The following TRPV5 variants were observed in gnomAD, a reference collection of about 807,000 sequenced individuals.
The protein encoded by TRPV5 is transient receptor potential cation channel subfamily V member 5, also known as calcium transport protein 2.
A neutral mutation model predicts 74.1 loss-of-function variants in TRPV5; 66 were observed. That is an observed-to-expected ratio of 0.89 (90% CI 0.73 to 1.09). The LOEUF (loss-of-function observed/expected upper bound fraction) is 1.09, where lower values mean the gene tolerates loss of function less well. TRPV5 is among the 50% of genes least tolerant of loss of function. The pLI is 0.00. For synonymous variants in TRPV5, 399 were observed against 360.7 expected (o/e 1.11, Z -1.20); for missense variants, 936 against 930.4 (o/e 1.01, Z -0.08).
intron 14 of TRPV5, among the ~76,000 whole-genome samples, chr7:142,909,112 T>C (rs974584282): frequency 6.6e-6 from 1 of 152,028 alleles, no homozygotes; most frequent in Non-Finnish European, 1.5e-5. Context: ...AACTAATAGA[T>C]AAGCGTGTCA....
Position 142,928,688 on chromosome 7 carries a change from T to C in TRPV5, c.762+3A>G, listed in dbSNP as rs1796029750. 2 of 1,612,952 alleles carry C rather than the reference T, an allele frequency of 1.2e-6. No individual in the cohort carries two copies. Among genetic ancestry groups the C allele is most frequent in the South Asian group, 2.2e-5 (2 of 90,942 alleles). Reference sequence around the variant, plus strand: ...CACCTCAGGGATGGGGAGCGTCTCTTACCACAGTGTTACCCTCCACTCCAG... The same window carrying C: ...CACCTCAGGGATGGGGAGCGTCTCTCACCACAGTGTTACCCTCCACTCCAG... On this transcript the variant is annotated splice_donor_region_variant and intron_variant, in intron 6 of 14. Coordinates refer to ENST00000265310, the MANE Select transcript of TRPV5 (RefSeq NM_019841.7).
At position 142,930,485 on chromosome 7, in the gene TRPV5, T is replaced by C. The variant is rs4252400; in HGVS notation, c.129-39A>G. On this transcript the variant is annotated intron_variant, in intron 1 of 14. Transcript: ENST00000265310. ...AACGTGAGTTTGGAAGAGACAGTCA[T>C]AGCAGAATGAGGCCAAGAGCAAAGG... The C allele has an allele frequency of 4.0e-6, 6 of 1,500,336 alleles. No individual in the cohort carries two copies. In the African/African-American group the frequency reaches 4.1e-5, roughly 10 times the overall value. 92.9% of individuals were successfully genotyped at this position (1,500,336 alleles called of 1,614,324 possible).
intron 1 of TRPV5, 122 bp from the exon 2 acceptor site, chr7:142,930,568 G>A: frequency 1.3e-6 from 1 of 768,438 alleles, no homozygotes; most frequent in South Asian, 1.5e-5. Flanking sequence ...TGACAAATTG[G>A]AAAGAAGTGC....
At chr7:142,926,122 T>C (rs4252430) in intron 7 of TRPV5, among the ~76,000 whole-genome samples, 1 of 151,992 alleles carries the variant, frequency 6.6e-6, no homozygotes, top group Admixed American at 6.5e-5. Flanking sequence ...TTGGGAGTGG[T>C]AGTCAGAAAT....
chr7:142,921,782 T>A (rs903578687), intron 8 of TRPV5, among the ~76,000 whole-genome samples: 3 of 152,190 alleles, frequency 2.0e-5, no homozygotes, highest in African/African-American at 7.2e-5. Context: ...TAAGACTATA[T>A]AATTTGAGAA....
Position 142,909,569 on chromosome 7 carries a change from G to A in TRPV5, c.1816C>T (p.Arg606Trp), listed in dbSNP as rs758748145. ...QVVATTVMLE[R>W]KLPRCLWPRS... ...GGCCACAGGCAGCGAGGCAGCTTCC[G>A]CTCCAGCATCACTGTGGTGGCCACG... Residue 606 changes from arginine to tryptophan, a missense_variant, in exon 14 of 15, where the codon CGG (arginine) becomes TGG (tryptophan). Physicochemically the swap from Arg to Trp is moderately radical, Grantham distance 101. Coordinates refer to ENST00000265310, the MANE Select transcript of TRPV5 (RefSeq NM_019841.7). 16 of 1,613,908 alleles carry A rather than the reference G, an allele frequency of 9.9e-6. No individual in the cohort carries two copies. In the Admixed American group the frequency reaches 1.3e-4, roughly 13 times the overall value.
Position 142,915,365 on chromosome 7 carries a change from C to A in TRPV5, c.1228G>T (p.Val410Phe). Residue 410 changes from valine to phenylalanine, a missense_variant, in exon 10 of 15, where the codon GTT (valine) becomes TTT (phenylalanine). By Grantham distance (50) the Val-to-Phe change is conservative (BLOSUM62 -1). Transcript: ENST00000265310. ...LLLEIPDIFRVGASRYFGKTI... is the reference protein window; with the variant it reads ...LLLEIPDIFRFGASRYFGKTI... ...TTTCCAAAATAGCGAGAGGCACCAA[C>A]CCTGAAGATGTCTGGAATCTGGGGA... is the stretch of plus-strand genomic sequence containing the variant. 1 of 1,608,484 alleles carries A rather than the reference C, an allele frequency of 6.2e-7. No homozygotes were observed. The highest frequency in any genetic ancestry group is 8.5e-7 in the Non-Finnish European group (1 of 1,178,674).
At position 142,910,095 on chromosome 7, in the gene TRPV5, C is replaced by T. The variant is rs4252506; in HGVS notation, c.1789-499G>A. ...GTAGCAAGTCCACCACACGTTCTGT[C>T]CTTTGCTCAGCCCTCATTAATTACT... On this transcript the variant is annotated intron_variant, in intron 13 of 14. Transcript: ENST00000265310. Among the ~76,000 whole-genome samples, 798 of 152,272 alleles carry T rather than the reference C, an allele frequency of 5.2e-3. 10 individuals carry two copies. The highest frequency in any genetic ancestry group is 0.018 in the African/African-American group (745 of 41,534).
At chr7:142,930,856 C>T (rs1189901344) in intron 1 of TRPV5, among the ~76,000 whole-genome samples, 2 of 152,060 alleles carry the variant, frequency 1.3e-5, no homozygotes, top group Non-Finnish European at 2.9e-5. Flanking sequence ...CTGCGGTCCC[C>T]CTGCTCCTGG....
chr7:142,930,148 C>G lies in TRPV5; in HGVS notation c.259G>C (p.Ala87Pro), dbSNP rs755092760. Reference protein sequence around the residue: ...ALGETALHIAALYDNLEAALV... With the variant: ...ALGETALHIAPLYDNLEAALV... ...GCCGCCTCCAAGTTGTCATAGAGGG[C>G]TGCTATGTGCAGCGCCGTCTCCCCC... is the stretch of plus-strand genomic sequence containing the variant. The change falls in exon 3 of 15, where the codon GCC (alanine) becomes CCC (proline). Residue 87 changes from alanine to proline, a missense_variant. Coordinates refer to ENST00000265310, the MANE Select transcript of TRPV5 (RefSeq NM_019841.7). 5.0e-6 allele frequency: 8 copies of G among 1,614,012 alleles called. No homozygotes were observed. Among genetic ancestry groups the G allele is most frequent in the Non-Finnish European group, 6.8e-6 (8 of 1,180,016 alleles).
intron 13 of TRPV5, among the ~76,000 whole-genome samples, chr7:142,910,499 A>G (rs1795686745): frequency 6.6e-6 from 1 of 152,240 alleles, no homozygotes; most frequent in Non-Finnish European, 1.5e-5. Flanking sequence ...CTAGTTTCAA[A>G]GAAACCATGA....
At chr7:142,922,706 G>A (rs982761837) in intron 8 of TRPV5, among the ~76,000 whole-genome samples, 42 of 152,184 alleles carry the variant, frequency 2.8e-4, no homozygotes, top group African/African-American at 9.2e-4. Flanking sequence ...TAAAACCCGA[G>A]CTGCTGGACT....
chr7:142,918,925 C>T (rs185745453), intron 8 of TRPV5, among the ~76,000 whole-genome samples: 19 of 152,266 alleles, frequency 1.2e-4, no homozygotes, highest in Admixed American at 9.2e-4. Context: ...TGTACAAAAC[C>T]CTCCCTGCTA....
chr7:142,932,144 T>C (rs4252383), intron 1 of TRPV5, among the ~76,000 whole-genome samples: 33,469 of 152,136 alleles, frequency 0.22, 7,996 homozygotes, highest in African/African-American at 0.6. Flanking sequence ...CCAGGGAGCC[T>C]GGTGTCCCTG....
chr7:142,909,527 C>T lies in TRPV5; in HGVS notation c.1858G>A (p.Gly620Arg), dbSNP rs1402851682. 3 of 1,614,006 alleles carry T rather than the reference C, an allele frequency of 1.9e-6. No individual in the cohort carries two copies. Among genetic ancestry groups the T allele is most frequent in the Non-Finnish European group, 2.5e-6 (3 of 1,180,044 alleles). Residue 620 changes from glycine to arginine, a missense_variant, in exon 14 of 15, where the codon GGG becomes AGG. Coordinates refer to ENST00000265310, the MANE Select transcript of TRPV5 (RefSeq NM_019841.7). ...CGGTCCCCCAGCCCGAATTCGCACCCACAGATCCCGGAGCGAGGCCACAGG... is the reference window on the plus strand; with the variant it reads ...CGGTCCCCCAGCCCGAATTCGCACCTACAGATCCCGGAGCGAGGCCACAGG... ...RCLWPRSGIC[G>R]CEFGLGDRWF... is the part of the protein sequence containing the mutation.
chr7:142,930,762 C>T (rs918281048), intron 1 of TRPV5, among the ~76,000 whole-genome samples: 6 of 151,980 alleles, frequency 3.9e-5, no homozygotes, highest in Non-Finnish European at 2.9e-5. Context: ...AAGAAGAGGA[C>T]CCTAGGCTTG....
chr7:142,919,183 G>A (rs1156342794), intron 8 of TRPV5, among the ~76,000 whole-genome samples: 1 of 152,216 alleles, frequency 6.6e-6, no homozygotes, highest in Non-Finnish European at 1.5e-5. Flanking sequence ...ATGTGGGGCT[G>A]CTGTGTATTG....
At chr7:142,920,162 G>T (rs571687514) in intron 8 of TRPV5, among the ~76,000 whole-genome samples, 1 of 152,224 alleles carries the variant, frequency 6.6e-6, no homozygotes, top group South Asian at 2.1e-4. Flanking sequence ...GTTGAGAACC[G>T]CTGGGCCATA....
chr7:142,912,837 G>GATCCATCT (rs770222409), intron 12 of TRPV5, 87 bp from the exon 13 acceptor site: 2 of 734,758 alleles, frequency 2.7e-6, no homozygotes. Context: ...TTCTATCTCT[G>GATCCATCT]ATCTATCTAT....
Sources: allele counts gnomAD v4.1 joint callset (sites outside exome capture counted in the v4.1 genomes callset), GRCh38; gene constraint gnomAD v4.1.1; transcripts MANE v1.5; gene names NCBI Gene and HGNC (gene_info 2026-07-23, HGNC 2026-07-21).